Variants in CCNT2 observed in about 807,000 individuals in gnomAD.
CCNT2 encodes cyclin T2, also known as cyclin-T2.
CCNT2 carries 18 observed loss-of-function variants against 70.0 expected under a neutral mutation model. That is an observed-to-expected ratio of 0.26 (90% CI 0.18 to 0.38). The LOEUF (loss-of-function observed/expected upper bound fraction) is 0.38, where lower values mean the gene tolerates loss of function less well. Ranked by LOEUF, CCNT2 falls within the 10% of genes least tolerant of loss-of-function variation. The probability of loss-of-function intolerance (pLI) is 1.00; values close to 1 mark genes in which losing one functional copy is unlikely to be tolerated. For missense variants in CCNT2, 734 were observed against 890.2 expected, an observed-to-expected ratio of 0.82 and a Z score of 2.23; for synonymous variants, 334 against 313.3, an observed-to-expected ratio of 1.07 and a Z score of -0.70.
intron 8 of CCNT2, 159 bp from the exon 9 acceptor site, chr2:134,953,070 AG>A (rs1682645460): frequency 1.8e-6 from 1 of 563,134 alleles, no homozygotes; most frequent in Non-Finnish European, 3.1e-6. Flanking sequence ...TATGCCTCTA[AG>A]GCATTTATTT....
chr2:134,936,151 C>CTT (rs10712483), intron 2 of CCNT2, among the ~76,000 whole-genome samples: 8 of 124,880 alleles, frequency 6.4e-5, no homozygotes, highest in Admixed American at 2.3e-4. Context: ...CGCTTTTCAT[C>CTT]TTTTTTTTTT....
rs1470371987 is a variant in CCNT2 at position 134,956,713 on chromosome 2, G to A, written c.*2065G>A. 1.3e-5 allele frequency: 2 copies of A among 152,442 alleles called. No individual in the cohort carries two copies. Among genetic ancestry groups the A allele is most frequent in the African/African-American group, 2.4e-5 (1 of 41,458 alleles). 9.4% of individuals were successfully genotyped at this position (152,442 alleles called of 1,614,324 possible). The stretch of plus-strand genomic sequence containing the variant: ...GATTTTGTAAAGAATATCCAGAAAA[G>A]TAGTGAACTTATTTTCAGTAGACAT... On this transcript the variant is annotated 3_prime_UTR_variant, in exon 9 of 9. Coordinates refer to ENST00000264157, the MANE Select transcript of CCNT2 (RefSeq NM_058241.3).
chr2:134,944,071 T>G (rs943894235), intron 5 of CCNT2: 26 of 985,066 alleles, frequency 2.6e-5, no homozygotes, highest in Non-Finnish European at 3.0e-5. Context: ...ATCTAATTTG[T>G]ATTTTTTTGT....
chr2:134,943,360 C>T (rs1681707387), intron 5 of CCNT2: 1 of 825,198 alleles, frequency 1.2e-6, no homozygotes, highest in Admixed American at 6.2e-5. Flanking sequence ...CAGATCATGC[C>T]CCTGCACTCT....
intron 2 of CCNT2, among the ~76,000 whole-genome samples, chr2:134,928,270 A>ATTTGTTT (rs1680442850): frequency 1.3e-5 from 1 of 77,990 alleles, no homozygotes; most frequent in Non-Finnish European, 2.4e-5. Context: ...CTCACATTGT[A>ATTTGTTT]TTTCTTTTTT....
At chr2:134,945,139 A>ACCC in intron 5 of CCNT2, 2 of 985,388 alleles carry the variant, frequency 2.0e-6, no homozygotes, top group Non-Finnish European at 2.4e-6. Context: ...ACTCTGCTAA[A>ACCC]CCCCAATCCC....
At chr2:134,945,651 T>G in intron 5 of CCNT2, 2 of 1,216,212 alleles carry the variant, frequency 1.6e-6, no homozygotes, top group Non-Finnish European at 1.0e-6. Context: ...TGGGGGTTTG[T>G]TTTGTTTTGT....
At chr2:134,933,636 T>G (rs1352456121) in intron 2 of CCNT2, among the ~76,000 whole-genome samples, 1 of 152,198 alleles carries the variant, frequency 6.6e-6, no homozygotes, top group Non-Finnish European at 1.5e-5. Flanking sequence ...TGGATATGCT[T>G]GCTTAGACTG....
At chr2:134,919,463 C>A (rs1679697876) in intron 1 of CCNT2, among the ~76,000 whole-genome samples, 1 of 152,038 alleles carries the variant, frequency 6.6e-6, no homozygotes, top group Non-Finnish European at 1.5e-5. Flanking sequence ...ACCTTGGGAG[C>A]GTACTGGAGT....
intron 2 of CCNT2, among the ~76,000 whole-genome samples, chr2:134,922,729 C>T (rs1680004893): frequency 1.3e-5 from 2 of 152,158 alleles, no homozygotes; most frequent in African/African-American, 2.4e-5. Flanking sequence ...CCAAGTCACA[C>T]TTAAGTAGAT....
chr2:134,949,870 G>A (rs1326942264), intron 7 of CCNT2, among the ~76,000 whole-genome samples: 12 of 151,252 alleles, frequency 7.9e-5, no homozygotes, highest in East Asian at 2.0e-4. Flanking sequence ...ATCTCGGCTC[G>A]CTGCACCCTC....
At chr2:134,933,034 T>A (rs1680896829) in intron 2 of CCNT2, among the ~76,000 whole-genome samples, 1 of 152,180 alleles carries the variant, frequency 6.6e-6, no homozygotes, top group South Asian at 2.1e-4. Context: ...AGTCAGGGAT[T>A]GGATAGGGGG....
At chr2:134,934,544 T>A (rs1323027776) in intron 2 of CCNT2, among the ~76,000 whole-genome samples, 1 of 152,364 alleles carries the variant, frequency 6.6e-6, no homozygotes, top group Non-Finnish European at 1.5e-5. Context: ...TTGATCACCT[T>A]CCTTAATCAT....
chr2:134,949,876 C>T (rs1388087673), intron 7 of CCNT2, among the ~76,000 whole-genome samples: 1 of 151,780 alleles, frequency 6.6e-6, no homozygotes, highest in African/African-American at 2.4e-5. Flanking sequence ...GCTCGCTGCA[C>T]CCTCCGCCTC....
chr2:134,931,262 C>CTTGTTTTTTTTTTTTTTT (rs1680737473), intron 2 of CCNT2, among the ~76,000 whole-genome samples: 1 of 42,418 alleles, frequency 2.4e-5, no homozygotes, highest in Non-Finnish European at 4.2e-5. Flanking sequence ...ATGCCCGGAT[C>CTTGTTTTTTTTTTTTTTT]TTTTTTTTTT....
intron 2 of CCNT2, among the ~76,000 whole-genome samples, chr2:134,927,650 T>C (rs45610643): frequency 2.4e-4 from 37 of 152,368 alleles, no homozygotes; most frequent in Middle Eastern, 3.4e-3. Context: ...TTCAAGGCCA[T>C]TGCAGAACAG....
At chr2:134,920,608 T>C (rs1347569168) in intron 2 of CCNT2, among the ~76,000 whole-genome samples, 1 of 152,244 alleles carries the variant, frequency 6.6e-6, no homozygotes, top group Non-Finnish European at 1.5e-5. Context: ...TTGGTGTATG[T>C]TGAGTAACAC....
intron 2 of CCNT2, among the ~76,000 whole-genome samples, chr2:134,927,875 G>A (rs1680411913): frequency 1.3e-5 from 2 of 152,008 alleles, no homozygotes; most frequent in South Asian, 4.1e-4. Flanking sequence ...ATAAGCTAAG[G>A]CTCTGATTGT....
chr2:134,919,321 G>T (rs1240518443), intron 1 of CCNT2, among the ~76,000 whole-genome samples: 2 of 152,204 alleles, frequency 1.3e-5, no homozygotes, highest in Admixed American at 6.5e-5. Context: ...TTGCAGAAAA[G>T]GGGCGGCTCC....
Sources: allele counts gnomAD v4.1 joint callset (sites outside exome capture counted in the v4.1 genomes callset), GRCh38; gene constraint gnomAD v4.1.1; transcripts MANE v1.5; gene names NCBI Gene and HGNC (gene_info 2026-07-23, HGNC 2026-07-21).